SMIM7: variants seen among roughly 807,000 people sequenced by gnomAD.
The protein encoded by SMIM7 is small integral membrane protein 7, also known as UPF0608 protein C19orf42.
In SMIM7, 12 loss-of-function variants were observed where a neutral mutation model predicts 13.3. The ratio of observed to expected loss-of-function variants is 0.90; its 90% CI spans 0.58 to 1.46. The LOEUF (loss-of-function observed/expected upper bound fraction) is 1.46, where lower values mean the gene tolerates loss of function less well. Among genes scored for constraint, SMIM7 ranks in the 40% most tolerant of loss-of-function variants. SMIM7 has a pLI of 0.00. For missense variants in SMIM7, 114 were observed against 94.8 expected, an observed-to-expected ratio of 1.20 and a Z score of -0.84; for synonymous variants, 36 against 35.8, an observed-to-expected ratio of 1.01 and a Z score of -0.02.
intron 3 of SMIM7, among the ~76,000 whole-genome samples, chr19:16,658,371 T>C (rs527257905): frequency 2.4e-4 from 36 of 152,350 alleles, no homozygotes; most frequent in African/African-American, 8.2e-4. Context: ...AATGAATGGA[T>C]ACAATAGTCA....
In SMIM7 at chr19:16,660,007, A is replaced by G. The variant is rs773724100; in HGVS notation, c.27-7T>C. ...GGCATTCATCAGCAACGTCCTGCAG[A>G]GGGAGAATTACAGTTACTAGGGGCG... On this transcript the variant is annotated splice_polypyrimidine_tract_variant and splice_region_variant and intron_variant, in intron 1 of 4. Coordinates refer to ENST00000487416, the MANE Select transcript of SMIM7 (RefSeq NM_024104.4). 1.2e-6 allele frequency: 2 copies of G among 1,614,010 alleles called. No individual in the cohort carries two copies. The highest frequency in any genetic ancestry group is 1.7e-6 in the Non-Finnish European group (2 of 1,179,984).
At position 16,660,114 on chromosome 19, in the gene SMIM7, T is replaced by TA. The variant is rs1294805011; in HGVS notation, c.-5dup. ...ACAGCAGGATGTCTCCGATCATCGT[T>TA]ACGGCCGAAGCGTCCGTCAGAACCG... On this transcript the variant is annotated 5_prime_UTR_variant, in exon 1 of 5. Transcript: ENST00000487416. 4.3e-6 allele frequency: 7 copies of TA among 1,614,042 alleles called. No individual in the cohort carries two copies. Among genetic ancestry groups the TA allele is most frequent in the Non-Finnish European group, 5.1e-6 (6 of 1,180,036 alleles).
At chr19:16,637,868 G>C (rs2086371386) in intron 4 of SMIM7, among the ~76,000 whole-genome samples, 1 of 152,206 alleles carries the variant, frequency 6.6e-6, no homozygotes, top group African/African-American at 2.4e-5. Context: ...AAATTCATAT[G>C]CTGAAGCTCT....
chr19:16,650,782 G>A (rs1281587175), intron 4 of SMIM7, among the ~76,000 whole-genome samples: 3 of 151,284 alleles, frequency 2.0e-5, no homozygotes, highest in East Asian at 3.9e-4. Flanking sequence ...AATTTCCTCA[G>A]CAACTGCCAC....
At chr19:16,648,279 TACAGGCAC>T (rs1394682276) in intron 4 of SMIM7, among the ~76,000 whole-genome samples, 3 of 152,272 alleles carry the variant, frequency 2.0e-5, no homozygotes, top group Non-Finnish European at 4.4e-5. Context: ...TAGCTGGGAT[TACAGGCAC>T]CCGCCACCAT....
intron 3 of SMIM7, chr19:16,659,081 G>C (rs778523423): frequency 5.2e-6 from 2 of 385,278 alleles, no homozygotes; most frequent in Non-Finnish European, 9.7e-6. Flanking sequence ...CCAGGAGTTC[G>C]AGACCGGCCT....
In SMIM7 at chr19:16,654,048, A is replaced by T. The variant is rs752578497; in HGVS notation, c.199T>A (p.Phe67Ile). 3 of 1,613,932 alleles carry T rather than the reference A, an allele frequency of 1.9e-6. No homozygotes were observed. The African/African-American group carries it at 4.0e-5, about 22-fold the overall frequency. Residue 67 changes from phenylalanine (F) to isoleucine (I), a missense_variant, in exon 4 of 5, where the codon TTC becomes ATC. Coordinates refer to ENST00000487416, the MANE Select transcript of SMIM7 (RefSeq NM_024104.4). ...FIALWNIFMM[F>I]CMIVLFGS ...GGCTGGACTCACACAATCATGCAGA[A>T]CATCATGAAGATGTTCCACAGGGCG...
intron 4 of SMIM7, chr19:16,652,968 A>T (rs2086547936): frequency 6.5e-7 from 1 of 1,549,950 alleles, no homozygotes; most frequent in Non-Finnish European, 8.7e-7. Flanking sequence ...CAGCCTAATG[A>T]GAAAATGAAA....
chr19:16,633,539 A>T (rs1174484802), intron 4 of SMIM7, among the ~76,000 whole-genome samples: 2 of 151,880 alleles, frequency 1.3e-5, no homozygotes, highest in Admixed American at 1.3e-4. Flanking sequence ...AAGTAAATTA[A>T]GTGTGTGCGT....
chr19:16,636,107 A>G (rs1205849480), intron 4 of SMIM7: 1 of 151,956 alleles, frequency 6.6e-6, no homozygotes, highest in Non-Finnish European at 1.5e-5. Flanking sequence ...TGGAGTCACA[A>G]GCGTCCTTAA....
rs1228907899 is a variant in SMIM7 at position 16,659,878 on chromosome 19, G to GA, written c.68+80dup. ...CCTGCGGCTTGGGGGCGGGGCCTGAGAAGTGCGCCGAGATCACGCTTATGA... is the reference window on the plus strand; with the variant it reads ...CCTGCGGCTTGGGGGCGGGGCCTGAGAAAGTGCGCCGAGATCACGCTTATGA... On this transcript the variant is annotated intron_variant, in intron 2 of 4. Coordinates refer to ENST00000487416, the MANE Select transcript of SMIM7 (RefSeq NM_024104.4). 26 of 1,526,786 alleles carry GA rather than the reference G, an allele frequency of 1.7e-5. 1 individual carries two copies. The African/African-American group carries it at 3.0e-4, about 18-fold the overall frequency. The allele number at this position is 1,526,786 out of a possible 1,614,324, so 94.6% of individuals were successfully genotyped here. A position where few individuals can be genotyped will look rare whatever the true frequency, so the allele number is the denominator to read the frequency against.
chr19:16,647,565 C>G (rs1242795025), intron 4 of SMIM7, among the ~76,000 whole-genome samples: 1 of 150,482 alleles, frequency 6.6e-6, no homozygotes. Flanking sequence ...AAGCGATTCT[C>G]CTGCCTCAAC....
intron 3 of SMIM7, chr19:16,655,321 T>C (rs2122545020): frequency 2.2e-6 from 1 of 456,242 alleles, no homozygotes. Context: ...ACCTGGGTTC[T>C]AGACCCTTCT....
chr19:16,656,204 C>T (rs920256839), intron 3 of SMIM7, among the ~76,000 whole-genome samples: 3 of 151,684 alleles, frequency 2.0e-5, no homozygotes, highest in Non-Finnish European at 4.4e-5. Context: ...TGGCTAACAT[C>T]GTGAAACCAC....
In SMIM7 at chr19:16,653,060, G is replaced by C. The variant is rs1010425018; in HGVS notation, c.212+975C>G. On this transcript the variant is annotated intron_variant, in intron 4 of 4. Coordinates refer to ENST00000487416, the MANE Select transcript of SMIM7 (RefSeq NM_024104.4). ...TGGAGCAGGATCTGGCAGTGTGCTG[G>C]ACATTTAAACCATATTTTCCACCTC... The C allele has an allele frequency of 2.9e-6, 4 of 1,371,672 alleles. No homozygotes were observed. The African/African-American group carries it at 4.4e-5, about 15-fold the overall frequency. The allele number at this position is 1,371,672 out of a possible 1,614,324, so 85.0% of individuals were successfully genotyped here.
At chr19:16,648,681 A>G (rs1311607234) in intron 4 of SMIM7, among the ~76,000 whole-genome samples, 1 of 152,212 alleles carries the variant, frequency 6.6e-6, no homozygotes, top group Non-Finnish European at 1.5e-5. Context: ...AATATGTTCA[A>G]TATCATTAAC....
chr19:16,648,095 A>G (rs1052676184), intron 4 of SMIM7, among the ~76,000 whole-genome samples: 2 of 152,168 alleles, frequency 1.3e-5, no homozygotes, highest in Non-Finnish European at 2.9e-5. Context: ...TACCCAAAGC[A>G]CAAGTGACAA....
intron 4 of SMIM7, among the ~76,000 whole-genome samples, chr19:16,639,685 G>C (rs1362520217): frequency 1.3e-5 from 2 of 152,106 alleles, no homozygotes; most frequent in Non-Finnish European, 2.9e-5. Flanking sequence ...AGAGACCTGG[G>C]GGCAGGTAAC....
chr19:16,650,584 C>T (rs547639305), intron 4 of SMIM7, among the ~76,000 whole-genome samples: 14 of 152,168 alleles, frequency 9.2e-5, no homozygotes, highest in African/African-American at 2.6e-4. Context: ...GTGGTGCGTG[C>T]CTGTAGTCTC....
Sources: gnomAD v4.1 joint callset for allele counts (sites outside exome capture counted in the v4.1 genomes callset) on GRCh38, gnomAD v4.1.1 for gene constraint, MANE v1.5 for transcripts, NCBI Gene and HGNC (gene_info 2026-07-23, HGNC 2026-07-21) for gene names.